Variants in PHF10 observed in about 807,000 individuals in gnomAD.
The protein encoded by PHF10 is PHD finger protein 10.
A neutral mutation model predicts 68.5 loss-of-function variants in PHF10; 51 were observed. That is an observed-to-expected ratio of 0.74 (90% CI 0.59 to 0.94). PHF10 has a LOEUF of 0.94. Ranked by LOEUF, PHF10 falls within the 40% of genes least tolerant of loss-of-function variation. The pLI is 0.00. For missense variants in PHF10, 460 were observed against 602.6 expected, an observed-to-expected ratio of 0.76 and a Z score of 2.48; for synonymous variants, 204 against 203.5, an observed-to-expected ratio of 1.00 and a Z score of -0.02.
Position 169,705,167 on chromosome 6 carries a change from A to G in PHF10, c.1377T>C (p.His459=). The G allele has an allele frequency of 6.2e-7, 1 of 1,612,234 alleles. No individual in the cohort carries two copies. The change falls in exon 11 of 12, where the codon CAT becomes CAC. Residue 459 remains histidine (H), a synonymous_variant. Coordinates refer to ENST00000339209, the MANE Select transcript of PHF10 (RefSeq NM_018288.4). Reference sequence around the variant, plus strand: ...TAGCACCAAGGCCCACACAAAAAGTATGATAACCTCTGTCACACATATCAC... The same window carrying G: ...TAGCACCAAGGCCCACACAAAAAGTGTGATAACCTCTGTCACACATATCAC... The part of the protein sequence containing the change: ...MFCDMCDRGY[H]TFCVGLGAIP...
At chr6:169,714,673 A>T (rs1789003580) in intron 7 of PHF10, 60 bp downstream of exon 7, 2 of 846,828 alleles carry the variant, frequency 2.4e-6, no homozygotes, top group Non-Finnish European at 4.1e-6. Flanking sequence ...GGCAAGTACA[A>T]AAGGCTCTGA....
chr6:169,720,222 T>C (rs1789144857), intron 2 of PHF10, among the ~76,000 whole-genome samples: 1 of 152,138 alleles, frequency 6.6e-6, no homozygotes, highest in African/African-American at 2.4e-5. Context: ...GGAATGTAAA[T>C]TGGTGTGCAG....
At chr6:169,713,162 C>T (rs1322900945) in intron 7 of PHF10, among the ~76,000 whole-genome samples, 1 of 152,168 alleles carries the variant, frequency 6.6e-6, no homozygotes, top group East Asian at 1.9e-4. Context: ...TTCGTGCCAC[C>T]TCCATTCTCA....
chr6:169,713,154 C>G (rs1394980021), intron 7 of PHF10, among the ~76,000 whole-genome samples: 2 of 152,156 alleles, frequency 1.3e-5, no homozygotes, highest in Non-Finnish European at 2.9e-5. Flanking sequence ...AGCACTGCTT[C>G]GTGCCACCTC....
In PHF10 at chr6:169,724,398, T is replaced by TCGCTCGCCTCAGCCCCGCGGC; in HGVS notation, c.-468_-467insGCCGCGGGGCTGAGGCGAGCG. Among the ~76,000 whole-genome samples, 1 of 39,254 alleles carries TCGCTCGCCTCAGCCCCGCGGC rather than the reference T, an allele frequency of 2.5e-5. No homozygotes were observed. Among genetic ancestry groups the TCGCTCGCCTCAGCCCCGCGGC allele is most frequent in the African/African-American group, 1.2e-4 (1 of 8,276 alleles). 25.8% of individuals were successfully genotyped at this position (39,254 alleles called of 152,430 possible). A position where few individuals can be genotyped will look rare whatever the true frequency, so the allele number is the denominator to read the frequency against. ...CCCGCGGCCGCCTCAGCCCCGCCGC[T>TCGCTCGCCTCAGCCCCGCGGC]CGCCTCAGCCCCGCCGCTCGCCTCA... On this transcript the variant is annotated 5_prime_UTR_variant, in exon 1 of 12. Coordinates refer to ENST00000339209, the MANE Select transcript of PHF10 (RefSeq NM_018288.4).
chr6:169,710,397 G>T lies in PHF10; in HGVS notation c.958-6C>A. On this transcript the variant is annotated splice_polypyrimidine_tract_variant and splice_region_variant and intron_variant, in intron 8 of 11. Transcript: ENST00000339209. ...ACATTGCCAGAGGAGCTGTCCTGGA[G>T]TTTAAAAGGCAAAAACAAAGATTCT... 1 of 1,605,724 alleles carries T rather than the reference G, an allele frequency of 6.2e-7. No homozygotes were observed. Among genetic ancestry groups the T allele is most frequent in the Non-Finnish European group, 8.5e-7 (1 of 1,174,468 alleles).
intron 1 of PHF10, among the ~76,000 whole-genome samples, chr6:169,723,477 G>A (rs1444023910): frequency 6.6e-6 from 1 of 152,234 alleles, no homozygotes; most frequent in Non-Finnish European, 1.5e-5. Context: ...ACTATGCGCG[G>A]AATGAACGCT....
At chr6:169,723,299 A>G (rs1789225438) in intron 1 of PHF10, among the ~76,000 whole-genome samples, 1 of 152,116 alleles carries the variant, frequency 6.6e-6, no homozygotes, top group Non-Finnish European at 1.5e-5. Context: ...CACAAGCACC[A>G]ATTTCTTTTC....
At chr6:169,704,714 T>G (rs931025791) in intron 11 of PHF10, 8 of 172,268 alleles carry the variant, frequency 4.6e-5, no homozygotes, top group Non-Finnish European at 8.3e-5. Flanking sequence ...CTGTGATTTA[T>G]TCAACTCTGT....
At chr6:169,717,760 C>T (rs1213065579) in intron 4 of PHF10, 63 bp downstream of exon 4, 7 of 670,408 alleles carry the variant, frequency 1.0e-5, no homozygotes, top group South Asian at 9.6e-5. Flanking sequence ...AAATAAGATA[C>T]TTATCTAGTA....
chr6:169,708,359 A>G (rs1350717486), intron 9 of PHF10: 4 of 152,204 alleles, frequency 2.6e-5, no homozygotes, highest in African/African-American at 9.6e-5. Context: ...GGCAAGCACT[A>G]GTGAATCTTA....
chr6:169,713,334 C>A (rs1788968641), intron 7 of PHF10, among the ~76,000 whole-genome samples: 1 of 152,208 alleles, frequency 6.6e-6, no homozygotes, highest in Non-Finnish European at 1.5e-5. Context: ...TGCAGTGGCT[C>A]ACGCCTATAA....
chr6:169,720,763 A>G (rs971285749), intron 2 of PHF10, among the ~76,000 whole-genome samples: 1 of 152,184 alleles, frequency 6.6e-6, no homozygotes, highest in Non-Finnish European at 1.5e-5. Flanking sequence ...ATGCCAATGA[A>G]TTTCACACTT....
rs762831845 is a variant in PHF10, at chr6:169,705,170, A to G, written c.1374T>C (p.Tyr458=). The G allele has an allele frequency of 6.2e-7, 1 of 1,612,324 alleles. No individual in the cohort carries two copies. Among genetic ancestry groups the G allele is most frequent in the Non-Finnish European group, 8.5e-7 (1 of 1,179,274 alleles). ...CACCAAGGCCCACACAAAAAGTATG[A>G]TAACCTCTGTCACACATATCACAGA... is the stretch of plus-strand genomic sequence containing the variant. The part of the protein sequence containing the change: ...MMFCDMCDRG[Y]HTFCVGLGAI... Residue 458 remains tyrosine (Y), a synonymous_variant, in exon 11 of 12, where the codon TAT becomes TAC. Transcript: ENST00000339209.
At position 169,712,429 on chromosome 6, in the gene PHF10, T is replaced by C; in HGVS notation, c.914A>G (p.Glu305Gly). 2 of 1,614,124 alleles carry C rather than the reference T, an allele frequency of 1.2e-6. No individual in the cohort carries two copies. Among genetic ancestry groups the C allele is most frequent in the Non-Finnish European group, 1.7e-6 (2 of 1,179,972 alleles). Residue 305 changes from glutamate to glycine, a missense_variant, in exon 8 of 12, where the codon GAA becomes GGA. Transcript: ENST00000339209. ...LDSDGDSDDGEDGRGDEKRKN... is the reference protein window; with the variant it reads ...LDSDGDSDDGGDGRGDEKRKN... ...CCGTTTCTCATCACCTCGACCATCT[T>C]CGCCATCATCTGAATCACCATCACT...
chr6:169,719,078 G>C (rs1420018080), intron 2 of PHF10, 160 bp from the exon 3 acceptor site: 2 of 532,826 alleles, frequency 3.8e-6, no homozygotes, highest in East Asian at 6.4e-5. Context: ...CAGGTACAAG[G>C]AATAGAAATA....
intron 2 of PHF10, among the ~76,000 whole-genome samples, chr6:169,719,980 A>T (rs1277730452): frequency 6.6e-6 from 1 of 151,852 alleles, no homozygotes; most frequent in Non-Finnish European, 1.5e-5. Flanking sequence ...CAACAAAAAA[A>T]ACCCCAAATA....
intron 1 of PHF10, among the ~76,000 whole-genome samples, chr6:169,722,921 G>T (rs1243305485): frequency 6.6e-6 from 1 of 152,228 alleles, no homozygotes; most frequent in Non-Finnish European, 1.5e-5. Context: ...GAAGTGCAAG[G>T]ATGTGCATTC....
At chr6:169,707,554 A>G (rs1022146822) in intron 9 of PHF10, 5 of 152,220 alleles carry the variant, frequency 3.3e-5, no homozygotes, top group African/African-American at 7.2e-5. Context: ...ATCTTTCACT[A>G]AAGTCAGGGA....
Sources: allele counts gnomAD v4.1 joint callset (sites outside exome capture counted in the v4.1 genomes callset), GRCh38; gene constraint gnomAD v4.1.1; transcripts MANE v1.5; gene names NCBI Gene and HGNC (gene_info 2026-07-23, HGNC 2026-07-21).